Variants in LRRC75B observed in about 807,000 individuals in gnomAD.
LRRC75B encodes the protein leucine rich repeat containing 75B.
In LRRC75B, 20 loss-of-function variants were observed where a neutral mutation model predicts 16.5. The observed-to-expected ratio is 1.21, with a 90% confidence interval of 0.85 to 1.76. LRRC75B has a LOEUF of 1.76. LRRC75B is among the 40% of genes most tolerant of loss of function. LRRC75B has a pLI of 0.00. For missense variants in LRRC75B, 406 were observed against 417.0 expected (o/e 0.97, Z 0.23); for synonymous variants, 199 against 198.1 (o/e 1.00, Z -0.04).
chr22:24,585,984 G>A lies in LRRC75B; in HGVS notation c.850C>T (p.Pro284Ser). ...GTGGCCCCGGCCGCACTGCCCTCAGGCTCAAGGTCCAGGCCCTCGTAGATG... is the reference window on the plus strand; with the variant it reads ...GTGGCCCCGGCCGCACTGCCCTCAGACTCAAGGTCCAGGCCCTCGTAGATG... ...PTIYEGLDLE[P>S]EGSAAGATTP... Residue 284 changes from proline to serine, a missense_variant, in exon 4 of 4, where the codon CCT (proline) becomes TCT (serine). Coordinates refer to ENST00000318753, the MANE Select transcript of LRRC75B (RefSeq NM_207644.3). The A allele has an allele frequency of 6.2e-7, 1 of 1,610,564 alleles. No individual in the cohort carries two copies. Among genetic ancestry groups the A allele is most frequent in the Non-Finnish European group, 8.5e-7 (1 of 1,179,840 alleles).
At chr22:24,588,914 G>C (rs2045483759) in intron 2 of LRRC75B, 1 of 1,003,478 alleles carries the variant, frequency 1.0e-6, no homozygotes, top group Non-Finnish European at 1.2e-6. Context: ...CCCAGCTCAG[G>C]GTGGAATCCG....
Position 24,586,136 on chromosome 22 carries a change from T to C in LRRC75B, c.698A>G (p.Lys233Arg). ...CAAAGCAGGGAACTTGGTGGTGTCC[T>C]TGATGGCATCAGTGAGCTTGCGGGC... The part of the protein sequence containing the change: ...ATARKLTDAI[K>R]DTTKFPALAW... Residue 233 changes from lysine to arginine, a missense_variant, in exon 4 of 4, where the codon AAG becomes AGG. Coordinates refer to ENST00000318753, the MANE Select transcript of LRRC75B (RefSeq NM_207644.3). 6.2e-7 allele frequency: 1 copy of C among 1,613,360 alleles called. No homozygotes were observed. Among genetic ancestry groups the C allele is most frequent in the Non-Finnish European group, 8.5e-7 (1 of 1,179,974 alleles).
chr22:24,586,534 T>C (rs2045398610), intron 3 of LRRC75B, 123 bp from the exon 4 acceptor site: 1 of 1,077,454 alleles, frequency 9.3e-7, no homozygotes, highest in Non-Finnish European at 1.4e-6. Flanking sequence ...TCAAACTGTG[T>C]CTTTCGTATT....
Position 24,589,881 on chromosome 22 carries a change from G to C in LRRC75B, c.246C>G (p.Val82=). The change falls in exon 2 of 4, where the codon GTC becomes GTG. Residue 82 remains valine, a synonymous_variant. Transcript: ENST00000318753. ...CAAGCAGGTCATGGGAGATGGGGTC[G>C]ACCGGGTTGAGGAAGGCCACATCTC... is the stretch of plus-strand genomic sequence containing the variant. ...LYRDVAFLNP[V]DPISHDLLVN... is the part of the protein sequence containing the mutation. The C allele has an allele frequency of 6.2e-7, 1 of 1,613,812 alleles. No homozygotes were observed. Among genetic ancestry groups the C allele is most frequent in the Non-Finnish European group, 8.5e-7 (1 of 1,179,870 alleles).
rs774178607 is a variant in LRRC75B at position 24,588,305 on chromosome 22, C to A, written c.331G>T (p.Asp111Tyr). 1 of 1,613,286 alleles carries A rather than the reference C, an allele frequency of 6.2e-7. No homozygotes were observed. The highest frequency in any genetic ancestry group is 8.5e-7 in the Non-Finnish European group (1 of 1,179,838). Residue 111 changes from aspartate (D) to tyrosine (Y), a missense_variant, in exon 3 of 4, where the codon GAC becomes TAC. Physicochemically the swap from Asp to Tyr is radical, Grantham distance 160. Transcript: ENST00000318753. ...KKDYELWKSS[D>Y]KICRQLIYHL... is the part of the protein sequence containing the mutation. ...TAGATGAGCTGTCGGCAGATCTTGT[C>A]CGAGGACTTCCAGAGCTCATAGTCC...
Position 24,586,235 on chromosome 22 carries a change from A to G in LRRC75B, c.599T>C (p.Leu200Pro). The part of the protein sequence containing the change: ...TGLSDELLHL[L>P]LPSLWALPRL... Reference sequence around the variant, plus strand: ...GGGCAGCGCCCACAGGCTGGGCAGCAGGAGGTGCAGCAGCTCATCACTCAG... The same window carrying G: ...GGGCAGCGCCCACAGGCTGGGCAGCGGGAGGTGCAGCAGCTCATCACTCAG... Residue 200 changes from leucine to proline, a missense_variant, in exon 4 of 4, where the codon CTG becomes CCG. Coordinates refer to ENST00000318753, the MANE Select transcript of LRRC75B (RefSeq NM_207644.3). 1 of 1,613,768 alleles carries G rather than the reference A, an allele frequency of 6.2e-7. No individual in the cohort carries two copies. The highest frequency in any genetic ancestry group is 8.5e-7 in the Non-Finnish European group (1 of 1,180,034).
In LRRC75B at chr22:24,585,932, G is replaced by A. The variant is rs747783238; in HGVS notation, c.902C>T (p.Thr301Ile). ...GGGCTCGGGTCCCAGCCCAGCAGCT[G>A]TGGAGTCCCAGGTGGAGGCAGGGGT... ...ATTPASTWDS[T>I]AAGLGPEPQA... The change falls in exon 4 of 4, where the codon ACA becomes ATA. Residue 301 changes from threonine (T) to isoleucine (I), a missense_variant. By Grantham distance (89) the Thr-to-Ile change is moderately conservative. Coordinates refer to ENST00000318753, the MANE Select transcript of LRRC75B (RefSeq NM_207644.3). 3 of 1,608,116 alleles carry A rather than the reference G, an allele frequency of 1.9e-6. No individual in the cohort carries two copies. Among genetic ancestry groups the A allele is most frequent in the African/African-American group, 2.7e-5 (2 of 75,044 alleles).
At chr22:24,588,356 G>A in intron 2 of LRRC75B, 27 bp from the exon 3 acceptor site, 2 of 1,567,644 alleles carry the variant, frequency 1.3e-6, no homozygotes, top group Non-Finnish European at 1.8e-6. Context: ...TCACCATGGT[G>A]AATCTGAGCC....
chr22:24,589,370 A>T lies in LRRC75B; in HGVS notation c.306+451T>A. 19 of 1,129,544 alleles carry T rather than the reference A, an allele frequency of 1.7e-5. No individual in the cohort carries two copies. The South Asian group carries it at 3.6e-4, about 21-fold the overall frequency. 70.0% of individuals were successfully genotyped at this position (1,129,544 alleles called of 1,614,324 possible). On this transcript the variant is annotated intron_variant, in intron 2 of 3. Coordinates refer to ENST00000318753, the MANE Select transcript of LRRC75B (RefSeq NM_207644.3). ...GGAAAGCAGTGAGCACCCGTCCGCA[A>T]GGGTGTCTGTACAGGATGGAGACCT...
chr22:24,587,961 AT>A (rs2045447700), intron 3 of LRRC75B, among the ~76,000 whole-genome samples: 1 of 152,060 alleles, frequency 6.6e-6, no homozygotes, highest in Admixed American at 6.5e-5. Context: ...GGATTGAGGG[AT>A]GTATGAATGG....
Position 24,589,704 on chromosome 22 carries a change from C to T in LRRC75B, c.306+117G>A, listed in dbSNP as rs985599705. The T allele has an allele frequency of 6.5e-6, 8 of 1,231,642 alleles. No homozygotes were observed. In the African/African-American group the frequency reaches 1.2e-4, roughly 19 times the overall value. The allele number at this position is 1,231,642 out of a possible 1,614,324, so 76.3% of individuals were successfully genotyped here. A position where few individuals can be genotyped will look rare whatever the true frequency, so the allele number is the denominator to read the frequency against. On this transcript the variant is annotated intron_variant, in intron 2 of 3. Coordinates refer to ENST00000318753, the MANE Select transcript of LRRC75B (RefSeq NM_207644.3). Reference sequence around the variant, plus strand: ...GTCTCAGACAGGGACAGTGACTTGCCTAAGGCCACACAGCAAGCCGCAGAA... The same window carrying T: ...GTCTCAGACAGGGACAGTGACTTGCTTAAGGCCACACAGCAAGCCGCAGAA...
intron 1 of LRRC75B, chr22:24,592,631 C>T: frequency 1.6e-6 from 1 of 619,278 alleles, no homozygotes; most frequent in Non-Finnish European, 2.6e-6. Context: ...TCCACACGGT[C>T]CGCCGACCTC....
chr22:24,590,141 T>G (rs537752833), intron 1 of LRRC75B, among the ~76,000 whole-genome samples, 192 bp from the exon 2 acceptor site: 1 of 152,300 alleles, frequency 6.6e-6, no homozygotes, highest in East Asian at 1.9e-4. Context: ...TTTTTGCTTA[T>G]TTATTTTTTG....
At position 24,588,199 on chromosome 22, in the gene LRRC75B, C is replaced by G. The variant is rs2045455921; in HGVS notation, c.422+15G>C. ...GAGCAGCAGTGAGGAGGGGCAGTGG[C>G]TGGGCTACCCTTACCAGCTCTGGGT... On this transcript the variant is annotated intron_variant, in intron 3 of 3. Transcript: ENST00000318753. The G allele has an allele frequency of 6.3e-7, 1 of 1,598,104 alleles. No homozygotes were observed. Among genetic ancestry groups the G allele is most frequent in the Non-Finnish European group, 8.6e-7 (1 of 1,168,380 alleles).
chr22:24,586,505 C>T, intron 3 of LRRC75B, 94 bp from the exon 4 acceptor site: 2 of 1,302,512 alleles, frequency 1.5e-6, no homozygotes, highest in Admixed American at 2.2e-5. Flanking sequence ...CCCAGGCCTA[C>T]AGTCTGGCAA....
rs1384278271 is a variant in LRRC75B, at chr22:24,589,833, C to T, written c.294G>A (p.Gln98=). The T allele has an allele frequency of 1.2e-6, 2 of 1,613,222 alleles. No individual in the cohort carries two copies. Among genetic ancestry groups the T allele is most frequent in the East Asian group, 4.5e-5 (2 of 44,848 alleles). ...DLLVNLARDL[Q]CPKKDYELWK... ...CTGCCAGCCTCACCTTCTTGGGGCACTGCAGGTCCCGGGCCAGGTTCACAA... is the reference window on the plus strand; with the variant it reads ...CTGCCAGCCTCACCTTCTTGGGGCATTGCAGGTCCCGGGCCAGGTTCACAA... Residue 98 remains glutamine, a synonymous_variant, in exon 2 of 4, where the codon CAG becomes CAA. Transcript: ENST00000318753.
chr22:24,590,128 C>CT (rs1226597353), intron 1 of LRRC75B, among the ~76,000 whole-genome samples, 179 bp from the exon 2 acceptor site: 4 of 152,138 alleles, frequency 2.6e-5, no homozygotes, highest in Non-Finnish European at 5.9e-5. Flanking sequence ...TGGCCCCCTT[C>CT]TTTTTTTGCT....
At chr22:24,590,795 G>A (rs1213911475) in intron 1 of LRRC75B, among the ~76,000 whole-genome samples, 1 of 152,036 alleles carries the variant, frequency 6.6e-6, no homozygotes, top group Non-Finnish European at 1.5e-5. Flanking sequence ...CACCACCCAT[G>A]CCCCAGCTCA....
chr22:24,591,626 T>A (rs1347010037), intron 1 of LRRC75B, among the ~76,000 whole-genome samples: 1 of 152,242 alleles, frequency 6.6e-6, no homozygotes, highest in African/African-American at 2.4e-5. Context: ...AGAGGTGGTC[T>A]CTGAGGATCC....
Sources: allele counts gnomAD v4.1 joint callset (sites outside exome capture counted in the v4.1 genomes callset), GRCh38; gene constraint gnomAD v4.1.1; transcripts MANE v1.5; gene names NCBI Gene and HGNC (gene_info 2026-07-23, HGNC 2026-07-21).